Variants in PNN observed in about 807,000 individuals in gnomAD.
PNN encodes the protein pinin, desmosome associated protein, also known as pinin.
PNN carries 38 observed loss-of-function variants against 76.6 expected under a neutral mutation model. The observed-to-expected ratio is 0.50, with a 90% confidence interval of 0.38 to 0.65. The LOEUF (loss-of-function observed/expected upper bound fraction) is 0.65, where lower values mean the gene tolerates loss of function less well. Ranked by LOEUF, PNN falls within the 30% of genes least tolerant of loss-of-function variation. The probability of loss-of-function intolerance (pLI) is 0.00; values close to 1 mark genes in which losing one functional copy is unlikely to be tolerated. For synonymous variants in PNN, 366 were observed against 283.7 expected (o/e 1.29, Z -2.91); for missense variants, 873 against 874.1 (o/e 1.00, Z 0.02).
rs2053274126 is a variant in PNN at position 39,181,991 on chromosome 14, TACAG to T, written c.*131_*134del. On this transcript the variant is annotated 3_prime_UTR_variant, in exon 9 of 9. Coordinates refer to ENST00000216832, the MANE Select transcript of PNN (RefSeq NM_002687.4). Reference sequence around the variant, plus strand: ...TGTTGTAAAAAATCTTTTTGGAAAATACAGACTGTTTGTTTACCAGACATTCTTG... The same window carrying T: ...TGTTGTAAAAAATCTTTTTGGAAAATACTGTTTGTTTACCAGACATTCTTG... 2.7e-5 allele frequency: 23 copies of T among 858,230 alleles called. No individual in the cohort carries two copies. The highest frequency in any genetic ancestry group is 1.5e-5 in the Non-Finnish European group (9 of 586,422). 53.2% of individuals were successfully genotyped at this position (858,230 alleles called of 1,614,324 possible). A position where few individuals can be genotyped will look rare whatever the true frequency, so the allele number is the denominator to read the frequency against.
rs2053209966 is a variant in PNN, at chr14:39,175,276, G to T, written c.-4G>T. ...AGCAGTCTCAAGCCTGCCGCAGGGA[G>T]AAGATGGCGGTCGCCGTGAGAACTT... is the stretch of plus-strand genomic sequence containing the variant. On this transcript the variant is annotated 5_prime_UTR_variant, in exon 1 of 9. Coordinates refer to ENST00000216832, the MANE Select transcript of PNN (RefSeq NM_002687.4). 1 of 1,579,486 alleles carries T rather than the reference G, an allele frequency of 6.3e-7. No individual in the cohort carries two copies.
chr14:39,181,358 C>A lies in PNN; in HGVS notation c.1649C>A (p.Pro550Gln), dbSNP rs769427171. Residue 550 changes from proline (P) to glutamine (Q), a missense_variant, in exon 9 of 9, where the codon CCA becomes CAA. Pro to Gln is a moderately conservative substitution (Grantham distance 76, BLOSUM62 -1). This residue lies in a region of PNN where 712 missense variants were observed against 693.1 expected (regional missense o/e 1.03). Transcript: ENST00000216832. The part of the protein sequence containing the change: ...VPVEPVLTVH[P>Q]ESKSKTKTRS... ...GTAGAGCCAGTCTTGACAGTACATC[C>A]AGAGAGCAAGAGCAAAACCAAAACT... The A allele has an allele frequency of 4.3e-6, 7 of 1,614,178 alleles. No individual in the cohort carries two copies. The highest frequency in any genetic ancestry group is 5.9e-6 in the Non-Finnish European group (7 of 1,180,026).
chr14:39,177,793 A>C (rs1217419355), intron 5 of PNN, 48 bp from the exon 6 acceptor site: 1 of 1,494,326 alleles, frequency 6.7e-7, no homozygotes, highest in Non-Finnish European at 9.3e-7. Context: ...GATGGGTTTA[A>C]ATGAAATGGA....
chr14:39,181,552 G>A lies in PNN; in HGVS notation c.1843G>A (p.Gly615Ser). 1 of 1,609,066 alleles carries A rather than the reference G, an allele frequency of 6.2e-7. No individual in the cohort carries two copies. Among genetic ancestry groups the A allele is most frequent in the Non-Finnish European group, 8.5e-7 (1 of 1,177,630 alleles). The change falls in exon 9 of 9, where the codon GGC (glycine) becomes AGC (serine). Residue 615 changes from glycine to serine, a missense_variant. Around this residue, in one of 3 missense-constraint regions of PNN, gnomAD observed 712 missense variants for 693.1 expected, o/e 1.03. Coordinates refer to ENST00000216832, the MANE Select transcript of PNN (RefSeq NM_002687.4). ...TTCCAGTAGCAGCTCCAGTACAAGT[G>A]GCAGCAGCAGCAGAGATAGTAGCAG... Reference protein sequence around the residue: ...SSSSSSSSTSGSSSRDSSSST... With the variant: ...SSSSSSSSTSSSSSRDSSSST...
At position 39,179,254 on chromosome 14, in the gene PNN, G is replaced by T. The variant is rs780528570; in HGVS notation, c.654+8G>T. On this transcript the variant is annotated splice_region_variant and intron_variant, in intron 7 of 8. Transcript: ENST00000216832. The stretch of plus-strand genomic sequence containing the variant: ...GTTGAGCTTGCGCAGCTGGTGAGTG[G>T]TAATTTGGAATTCTAAGATTGGTAA... 14 of 1,610,678 alleles carry T rather than the reference G, an allele frequency of 8.7e-6. No homozygotes were observed. The South Asian group carries it at 1.3e-4, about 15-fold the overall frequency.
At chr14:39,176,309 C>T (rs995272271) in intron 2 of PNN, 160 bp downstream of exon 2, 8 of 629,754 alleles carry the variant, frequency 1.3e-5, no homozygotes, top group African/African-American at 3.7e-5. Flanking sequence ...ATATAGTTAT[C>T]CTGAAAAACT....
Position 39,181,081 on chromosome 14 carries a change from T to G in PNN, c.1372T>G (p.Ser458Ala), listed in dbSNP as rs1430534657. 1 of 1,613,366 alleles carries G rather than the reference T, an allele frequency of 6.2e-7. No homozygotes were observed. Among genetic ancestry groups the G allele is most frequent in the Non-Finnish European group, 8.5e-7 (1 of 1,179,756 alleles). The change falls in exon 9 of 9, where the codon TCT becomes GCT. Residue 458 changes from serine to alanine, a missense_variant. By Grantham distance (99) the Ser-to-Ala change is moderately conservative. This residue lies in a region of PNN where 712 missense variants were observed against 693.1 expected (regional missense o/e 1.03). Coordinates refer to ENST00000216832, the MANE Select transcript of PNN (RefSeq NM_002687.4). ...NVSALDMEKE[S>A]EEKEEKESEP... ...CAGTGCTTTAGACATGGAAAAGGAG[T>G]CTGAGGAAAAAGAAGAAAAAGAATC...
Position 39,176,075 on chromosome 14 carries a change from C to G in PNN, c.114-3C>G. ...TTTGCACTGATTTGTAAATCTTTTA[C>G]AGGCCCATCCAAGCCAGATTGCTGG... On this transcript the variant is annotated splice_region_variant and splice_polypyrimidine_tract_variant and intron_variant, in intron 1 of 8. Coordinates refer to ENST00000216832, the MANE Select transcript of PNN (RefSeq NM_002687.4). 1.3e-6 allele frequency: 2 copies of G among 1,582,310 alleles called. No homozygotes were observed. The highest frequency in any genetic ancestry group is 1.7e-6 in the Non-Finnish European group (2 of 1,151,284).
rs756512718 is a variant in PNN at position 39,176,553 on chromosome 14, G to A, written c.212G>A (p.Gly71Glu). The A allele has an allele frequency of 3.1e-6, 5 of 1,608,666 alleles. No homozygotes were observed. Among genetic ancestry groups the A allele is most frequent in the Non-Finnish European group, 3.4e-6 (4 of 1,178,432 alleles). Residue 71 changes from glycine (G) to glutamate (E), a missense_variant, in exon 3 of 9, where the codon GGA (glycine) becomes GAA (glutamate). By Grantham distance (98) the Gly-to-Glu change is moderately conservative. Coordinates refer to ENST00000216832, the MANE Select transcript of PNN (RefSeq NM_002687.4). ...LRRGFSDSGGGPPAKQRDLEG... is the reference protein window; with the variant it reads ...LRRGFSDSGGEPPAKQRDLEG... ...CGTGGATTCTCAGATAGTGGAGGAG[G>A]ACCCCCAGCCAAACAGAGAGACCTT...
chr14:39,182,241 T>C lies in PNN; in HGVS notation c.*378T>C, dbSNP rs2053275675. On this transcript the variant is annotated 3_prime_UTR_variant, in exon 9 of 9. Coordinates refer to ENST00000216832, the MANE Select transcript of PNN (RefSeq NM_002687.4). The stretch of plus-strand genomic sequence containing the variant: ...TGCTTTTGTAGAAATAAATGTGTGT[T>C]TATTTCATTATTTTTGGGATGTCCT... 1 of 159,798 alleles carries C rather than the reference T, an allele frequency of 6.3e-6. No homozygotes were observed. Among genetic ancestry groups the C allele is most frequent in the Admixed American group, 6.1e-5 (1 of 16,520 alleles). 9.9% of individuals were successfully genotyped at this position (159,798 alleles called of 1,614,324 possible). A position where few individuals can be genotyped will look rare whatever the true frequency, so the allele number is the denominator to read the frequency against.
At chr14:39,175,496 C>T (rs769558388) in intron 1 of PNN, 104 bp downstream of exon 1, 5 of 726,442 alleles carry the variant, frequency 6.9e-6, no homozygotes, top group Non-Finnish European at 1.2e-5. Context: ...AAGACTGGAA[C>T]CTCGAGGCCT....
intron 8 of PNN, 138 bp downstream of exon 8, chr14:39,179,600 TAAG>T: frequency 1.3e-6 from 1 of 784,804 alleles, no homozygotes; most frequent in South Asian, 2.1e-5. Flanking sequence ...AATAAGATAA[TAAG>T]ATATTCTAGG....
chr14:39,178,485 C>T (rs1204254946), intron 6 of PNN, among the ~76,000 whole-genome samples: 1 of 152,042 alleles, frequency 6.6e-6, no homozygotes, highest in African/African-American at 2.4e-5. Flanking sequence ...GAGCCAAGAT[C>T]ACACTATTGT....
intron 8 of PNN, 69 bp downstream of exon 8, chr14:39,179,531 T>A: frequency 3.9e-6 from 5 of 1,274,224 alleles, no homozygotes; most frequent in Non-Finnish European, 5.4e-6. Flanking sequence ...TGCACACGTT[T>A]GTTTTCTAAA....
intron 6 of PNN, among the ~76,000 whole-genome samples, chr14:39,178,591 T>C (rs1268129922): frequency 1.3e-5 from 2 of 151,858 alleles, no homozygotes; most frequent in Admixed American, 6.6e-5. Flanking sequence ...TTCTTTTTTT[T>C]TGTAGAGATG....
chr14:39,179,058 C>G, intron 6 of PNN, 33 bp from the exon 7 acceptor site: 1 of 1,586,830 alleles, frequency 6.3e-7, no homozygotes, highest in South Asian at 1.1e-5. Flanking sequence ...TATTTCAACA[C>G]GTAAGTATTA....
In PNN at chr14:39,181,618, G is replaced by A; in HGVS notation, c.1909G>A (p.Gly637Ser). The A allele has an allele frequency of 6.2e-7, 1 of 1,614,130 alleles. No individual in the cohort carries two copies. Among genetic ancestry groups the A allele is most frequent in the Non-Finnish European group, 8.5e-7 (1 of 1,180,028 alleles). Residue 637 changes from glycine (G) to serine (S), a missense_variant, in exon 9 of 9, where the codon GGC (glycine) becomes AGC (serine). By Grantham distance (56) the Gly-to-Ser change is moderately conservative. This residue lies in a region of PNN where 712 missense variants were observed against 693.1 expected (regional missense o/e 1.03). Coordinates refer to ENST00000216832, the MANE Select transcript of PNN (RefSeq NM_002687.4). The stretch of plus-strand genomic sequence containing the variant: ...TAGTGAGAGTAGAAGTCGGAGTAGG[G>A]GCCGGGGACATAATAGAGATAGAAA... ...SSSESRSRSR[G>S]RGHNRDRKHR... is the part of the protein sequence containing the mutation.
At chr14:39,178,050 GTTT>G (rs2053242665) in intron 6 of PNN, 134 bp downstream of exon 6, 4 of 669,218 alleles carry the variant, frequency 6.0e-6, no homozygotes, top group Non-Finnish European at 1.1e-5. Flanking sequence ...TAAAAACTTG[GTTT>G]AACTTCTTAT....
At chr14:39,176,807 A>G (rs765417875) in intron 3 of PNN, among the ~76,000 whole-genome samples, 3 of 152,178 alleles carry the variant, frequency 2.0e-5, no homozygotes, top group Admixed American at 6.5e-5. Flanking sequence ...CCTAAATTTT[A>G]TCCAAATAAA....
Sources: gnomAD v4.1 joint callset for allele counts (sites outside exome capture counted in the v4.1 genomes callset) on GRCh38, gnomAD v4.1.1 for gene constraint, gnomAD v4.1.1 regional missense constraint, MANE v1.5 for transcripts, NCBI Gene and HGNC (gene_info 2026-07-23, HGNC 2026-07-21) for gene names.